ARHGEF1: variants seen among roughly 807,000 people sequenced by gnomAD.
The protein encoded by ARHGEF1 is Rho guanine nucleotide exchange factor 1, also known as 115 kDa guanine nucleotide exchange factor.
In ARHGEF1, 40 loss-of-function variants were observed where a neutral mutation model predicts 119.7. The ratio of observed to expected loss-of-function variants is 0.33; its 90% confidence interval spans 0.26 to 0.44. The LOEUF is 0.44. Ranked by LOEUF, ARHGEF1 falls within the 20% of genes least tolerant of loss-of-function variation. The pLI is 1.00. For synonymous variants in ARHGEF1, 494 were observed against 521.0 expected (o/e 0.95, Z 0.71); for missense variants, 976 against 1,268.3 (o/e 0.77, Z 3.50).
At chr19:41,924,225 G>C (rs1203557871) in intron 1 of ARHGEF1, among the ~76,000 whole-genome samples, 3 of 151,856 alleles carry the variant, frequency 2.0e-5, no homozygotes, top group African/African-American at 7.3e-5. Context: ...GGAGGGAGGA[G>C]GTCACCTGAG....
At position 41,892,192 on chromosome 19, in the gene ARHGEF1, C is replaced by A; in HGVS notation, c.324+69C>A. The A allele has an allele frequency of 1.9e-6, 3 of 1,563,780 alleles. No individual in the cohort carries two copies. Among genetic ancestry groups the A allele is most frequent in the Non-Finnish European group, 2.6e-6 (3 of 1,139,948 alleles). ...GGCCTGCAGAGTCACCATGCGGTCC[C>A]CAGCCTCTGCCCTGAGGGCAGCTGC... On this transcript the variant is annotated intron_variant, in intron 5 of 28. Transcript: ENST00000354532. The surrounding 1 kb of genome is among the most constrained non-coding windows in gnomAD (Gnocchi z 6.3).
Position 41,889,577 on chromosome 19 carries a change from C to G in ARHGEF1, c.225+712C>G, listed in dbSNP as rs1241107512. The stretch of plus-strand genomic sequence containing the variant: ...GGGTCTCATCCCAAGAAGACCCCGT[C>G]CAGCCCAGCACAGGATAGGAGGACA... On this transcript the variant is annotated intron_variant, in intron 4 of 28. Coordinates refer to ENST00000354532, the MANE Select transcript of ARHGEF1 (RefSeq NM_004706.4). This position sits in a 1 kb window ranked among gnomAD's most constrained non-coding sequence, Gnocchi z 4.0. 1 of 152,312 alleles carries G rather than the reference C, an allele frequency of 6.6e-6. No individual in the cohort carries two copies. Among genetic ancestry groups the G allele is most frequent in the Non-Finnish European group, 1.5e-5 (1 of 68,120 alleles). The allele number at this position is 152,312 out of a possible 1,614,324, so 9.4% of individuals were successfully genotyped here.
At position 41,885,912 on chromosome 19, in the gene ARHGEF1, C is replaced by G. The variant is rs73549187; in HGVS notation, c.-19-2152C>G. ...TGACTACAGGCATGAACCACCACACCTGGCTATCTTTTGTAGAGATGGGGG... is the reference window on the plus strand; with the variant it reads ...TGACTACAGGCATGAACCACCACACGTGGCTATCTTTTGTAGAGATGGGGG... On this transcript the variant is annotated intron_variant, in intron 1 of 28. Transcript: ENST00000354532. Among the ~76,000 whole-genome samples the G allele has an allele frequency of 9.6e-3, 1,461 of 152,196 alleles. 26 individuals are homozygous for G. The highest frequency in any genetic ancestry group is 0.033 in the African/African-American group (1,369 of 41,508).
rs995854541 is a variant in ARHGEF1, at chr19:41,906,604, C to A, written c.2639C>A (p.Thr880Asn). 1 of 1,606,246 alleles carries A rather than the reference C, an allele frequency of 6.2e-7. No homozygotes were observed. The highest frequency in any genetic ancestry group is 8.5e-7 in the Non-Finnish European group (1 of 1,177,474). The part of the protein sequence containing the change: ...IQENLLSLEE[T>N]MKQLEELEEE... ...GAGAACCTGCTCAGCTTGGAGGAGA[C>A]CATGAAGCAGCTGGAGGTGGGGCGG... is the stretch of plus-strand genomic sequence containing the variant. The change falls in exon 27 of 29, where the codon ACC (threonine) becomes AAC (asparagine). Residue 880 changes from threonine (T) to asparagine (N), a missense_variant. Coordinates refer to ENST00000354532, the MANE Select transcript of ARHGEF1 (RefSeq NM_004706.4). The surrounding 1 kb of genome is among the most constrained non-coding windows in gnomAD (Gnocchi z 4.5).
At chr19:41,886,611 A>G (rs1324956334) in intron 1 of ARHGEF1, among the ~76,000 whole-genome samples, 1 of 152,196 alleles carries the variant, frequency 6.6e-6, no homozygotes, top group Non-Finnish European at 1.5e-5. Flanking sequence ...TGAATGTTTA[A>G]CAGTACTTGA....
At chr19:41,908,154 T>G (rs868919627), downstream of ARHGEF1, 22 of 1,164,016 alleles carry the variant, frequency 1.9e-5, no homozygotes, top group Middle Eastern at 3.2e-4. This position sits in a 1 kb window ranked among gnomAD's most constrained non-coding sequence, Gnocchi z 6.7. Flanking sequence ...TCCTGGGCCT[T>G]GGGCCAGGCA....
At chr19:41,884,269 G>A in intron 1 of ARHGEF1, 1 of 713,858 alleles carries the variant, frequency 1.4e-6, no homozygotes, top group Non-Finnish European at 2.3e-6. Context: ...TGGCCTGCGT[G>A]GCGCAGTACA....
In ARHGEF1 at chr19:41,905,682, C is replaced by G. The variant is rs1555849987; in HGVS notation, c.2337-78C>G. On this transcript the variant is annotated intron_variant, in intron 24 of 28. Coordinates refer to ENST00000354532, the MANE Select transcript of ARHGEF1 (RefSeq NM_004706.4). The surrounding 1 kb of genome is among the most constrained non-coding windows in gnomAD (Gnocchi z 6.4). ...TCTCCGGACCTCCCTGCCTCCCCAC[C>G]TCCAGCTCTCTGTCTCCCTGCCCCT... 6.6e-7 allele frequency: 1 copy of G among 1,504,384 alleles called. No homozygotes were observed. The highest frequency in any genetic ancestry group is 9.2e-7 in the Non-Finnish European group (1 of 1,090,846). The allele number at this position is 1,504,384 out of a possible 1,614,324, so 93.2% of individuals were successfully genotyped here. A position where few individuals can be genotyped will look rare whatever the true frequency, so the allele number is the denominator to read the frequency against.
Position 41,896,367 on chromosome 19 carries a change from C to T in ARHGEF1, c.1016-10C>T. 1 of 1,411,688 alleles carries T rather than the reference C, an allele frequency of 7.1e-7. No homozygotes were observed. The highest frequency in any genetic ancestry group is 9.3e-7 in the Non-Finnish European group (1 of 1,076,278). The allele number at this position is 1,411,688 out of a possible 1,614,324, so 87.4% of individuals were successfully genotyped here. On this transcript the variant is annotated splice_polypyrimidine_tract_variant and intron_variant, in intron 12 of 28. Transcript: ENST00000354532. ...GCCTTCCAGCCAGCCCTGCTCCCTCCACCCCACAGGTGCTGACGCCCCCCT... is the reference window on the plus strand; with the variant it reads ...GCCTTCCAGCCAGCCCTGCTCCCTCTACCCCACAGGTGCTGACGCCCCCCT...
upstream of ARHGEF1, among the ~76,000 whole-genome samples, chr19:41,921,804 T>C (rs1320458629): frequency 2.0e-5 from 3 of 151,830 alleles, no homozygotes; most frequent in Non-Finnish European, 4.4e-5. This position sits in a 1 kb window ranked among gnomAD's most constrained non-coding sequence, Gnocchi z 4.4. Flanking sequence ...CCGCCCCACC[T>C]CGCCCTTCTT....
At position 41,906,670 on chromosome 19, in the gene ARHGEF1, G is replaced by A. The variant is rs1555850291; in HGVS notation, c.2656-33G>A. On this transcript the variant is annotated intron_variant, in intron 27 of 28. Coordinates refer to ENST00000354532, the MANE Select transcript of ARHGEF1 (RefSeq NM_004706.4). The surrounding 1 kb of genome is among the most constrained non-coding windows in gnomAD (Gnocchi z 4.5). ...CCCTGAGTGGGCTGGGGAAGGAAGG[G>A]GCCCCCCTCATCCATGACCCCCACC... The A allele has an allele frequency of 1.3e-6, 2 of 1,599,138 alleles. No homozygotes were observed. The highest frequency in any genetic ancestry group is 2.2e-5 in the South Asian group (2 of 89,428).
chr19:41,907,355 G>C lies in ARHGEF1; in HGVS notation c.*268G>C. The C allele has an allele frequency of 6.5e-7, 1 of 1,535,004 alleles. No homozygotes were observed. Among genetic ancestry groups the C allele is most frequent in the Non-Finnish European group, 8.7e-7 (1 of 1,146,530 alleles). ...GACCCGGGCCATCTCAGTATTGCCT[G>C]TGGGGGCCACCCCTCCACCCCCACC... On this transcript the variant is annotated 3_prime_UTR_variant, in exon 29 of 29. Transcript: ENST00000354532.
intron 1 of ARHGEF1, among the ~76,000 whole-genome samples, chr19:41,927,833 G>T (rs577670582): frequency 2.0e-5 from 3 of 150,382 alleles, no homozygotes; most frequent in African/African-American, 7.4e-5. Flanking sequence ...CGCACCTCTA[G>T]CGCTACCCGC....
At chr19:41,921,582 T>C (rs782737429), upstream of ARHGEF1, among the ~76,000 whole-genome samples, 1 of 150,994 alleles carries the variant, frequency 6.6e-6, no homozygotes, top group African/African-American at 2.4e-5. This position sits in a 1 kb window ranked among gnomAD's most constrained non-coding sequence, Gnocchi z 4.4. Flanking sequence ...GAGACAAAAG[T>C]AGATTAGAAA....
Position 41,907,077 on chromosome 19 carries a change from G to A in ARHGEF1, c.*18-28G>A, listed in dbSNP as rs991567835. On this transcript the variant is annotated intron_variant, in intron 28 of 28. Transcript: ENST00000354532. The stretch of plus-strand genomic sequence containing the variant: ...CCTGTCTCTCTCTCCATCTCTCCCC[G>A]TCTCCCCTCTTCTCCTACATCCCCC... 90 of 1,471,358 alleles carry A rather than the reference G, an allele frequency of 6.1e-5. No homozygotes were observed. The Middle Eastern group carries it at 6.5e-4, about 11-fold the overall frequency. 91.1% of individuals were successfully genotyped at this position (1,471,358 alleles called of 1,614,324 possible).
intron 18 of ARHGEF1, among the ~76,000 whole-genome samples, chr19:41,914,914 C>T (rs1275995714): frequency 7.5e-6 from 1 of 133,388 alleles, no homozygotes; most frequent in Non-Finnish European, 1.7e-5. Flanking sequence ...CTCTCCCTCC[C>T]CCTCCACCAT....
downstream of ARHGEF1, chr19:41,909,531 G>C (rs1416589038): frequency 1.7e-6 from 2 of 1,167,794 alleles, no homozygotes; most frequent in Non-Finnish European, 2.2e-6. The surrounding 1 kb of genome is among the most constrained non-coding windows in gnomAD (Gnocchi z 5.2). Context: ...GGGATCTGGG[G>C]TTTCTTAATG....
Position 41,917,799 on chromosome 19 carries a change from A to G in ARHGEF1, c.1866-5293A>G, listed in dbSNP as rs2074811026. On this transcript the variant is annotated intron_variant, in intron 18 of 20. Transcript: ENST00000599589. This position sits in a 1 kb window ranked among gnomAD's most constrained non-coding sequence, Gnocchi z 4.8. ...CACAGTGACACCCACTAGTAGGCACACACACACCATGCACAGCCCCAGCCA... is the reference window on the plus strand; with the variant it reads ...CACAGTGACACCCACTAGTAGGCACGCACACACCATGCACAGCCCCAGCCA... Among the ~76,000 whole-genome samples the G allele has an allele frequency of 6.6e-6, 1 of 152,008 alleles. No individual in the cohort carries two copies. The highest frequency in any genetic ancestry group is 2.4e-5 in the African/African-American group (1 of 41,332).
chr19:41,887,239 C>G (rs2074307419), intron 1 of ARHGEF1, among the ~76,000 whole-genome samples: 1 of 151,848 alleles, frequency 6.6e-6, no homozygotes, highest in Non-Finnish European at 1.5e-5. Context: ...TGAGACAGTT[C>G]TGGAGGAAGG....
Sources: gnomAD v4.1 joint callset for allele counts (sites outside exome capture counted in the v4.1 genomes callset) on GRCh38, gnomAD v4.1.1 for gene constraint, Gnocchi (gnomAD v3.1) non-coding constraint, MANE v1.5 for transcripts, NCBI Gene and HGNC (gene_info 2026-07-23, HGNC 2026-07-21) for gene names.